Variants in ADAMTSL1 observed in about 807,000 individuals in gnomAD.
ADAMTSL1 encodes the protein ADAMTS like 1.
Under a neutral mutation model 201.8 loss-of-function variants are expected in ADAMTSL1, and 126 were observed. The observed-to-expected ratio is 0.62, with a 90% CI of 0.54 to 0.72. The LOEUF (loss-of-function observed/expected upper bound fraction) is 0.72, where lower values mean the gene tolerates loss of function less well. Ranked by LOEUF, ADAMTSL1 falls within the 30% of genes least tolerant of loss-of-function variation. The pLI is 0.00. For synonymous variants in ADAMTSL1, 1,121 were observed against 903.4 expected (o/e 1.24, Z -4.32); for missense variants, 2,679 against 2,277.8 (o/e 1.18, Z -3.59).
chr9:18,509,935 T>A (rs1587413539), intron 2 of ADAMTSL1, among the ~76,000 whole-genome samples: 1 of 152,348 alleles, frequency 6.6e-6, no homozygotes, highest in East Asian at 1.9e-4. Context: ...GATCTAGGCA[T>A]CTAAATTCAG....
At chr9:18,406,198 A>G (rs1243495230) in intron 2 of ADAMTSL1, among the ~76,000 whole-genome samples, 2 of 152,212 alleles carry the variant, frequency 1.3e-5, no homozygotes, top group East Asian at 3.8e-4. Flanking sequence ...GAGGAGAGAA[A>G]TCACAGGGCC....
chr9:18,151,832 A>G (rs1826930241), intron 1 of ADAMTSL1, among the ~76,000 whole-genome samples: 1 of 152,066 alleles, frequency 6.6e-6, no homozygotes, highest in South Asian at 2.1e-4. Flanking sequence ...ATGAGGTGCC[A>G]GGAGTTGTAT....
At chr9:18,538,521 T>A (rs1819936423) in intron 3 of ADAMTSL1, among the ~76,000 whole-genome samples, 2 of 151,954 alleles carry the variant, frequency 1.3e-5, no homozygotes, top group African/African-American at 4.8e-5. Context: ...TGGATCTGAA[T>A]GCAGATTAAT....
intron 1 of ADAMTSL1, among the ~76,000 whole-genome samples, chr9:18,069,251 T>A (rs1299619683): frequency 2.6e-5 from 4 of 152,236 alleles, no homozygotes; most frequent in Non-Finnish European, 5.9e-5. Flanking sequence ...GTTGAAATGA[T>A]AATTTCAATA....
Position 18,130,391 on chromosome 9 carries a change from T to C in ADAMTSL1, c.88-33471T>C, listed in dbSNP as rs59895508. On this transcript the variant is annotated intron_variant, in intron 1 of 29. Coordinates refer to the ADAMTSL1 transcript ENST00000680146. ...AATAAGCACTATGACTACATTCTCA[T>C]TTCCCAGTTTTTATTTCCTTAATCC... Among the ~76,000 whole-genome samples the C allele has an allele frequency of 3.0e-3, 450 of 152,308 alleles. 3 individuals are homozygous for C. Among genetic ancestry groups the C allele is most frequent in the African/African-American group, 0.01 (419 of 41,578 alleles).
chr9:18,646,034 T>G (rs1300683806), intron 7 of ADAMTSL1, among the ~76,000 whole-genome samples: 7 of 152,184 alleles, frequency 4.6e-5, no homozygotes, highest in Non-Finnish European at 7.3e-5. Context: ...TAGAATGTTC[T>G]TCCATTTGTT....
At chr9:18,553,597 G>C (rs141445666) in intron 3 of ADAMTSL1, among the ~76,000 whole-genome samples, 21 of 151,772 alleles carry the variant, frequency 1.4e-4, no homozygotes, top group Admixed American at 4.6e-4. Flanking sequence ...TTCTGTTAGT[G>C]AGGGTTCATT....
At chr9:18,550,913 C>A (rs542624747) in intron 3 of ADAMTSL1, among the ~76,000 whole-genome samples, 1 of 151,838 alleles carries the variant, frequency 6.6e-6, no homozygotes, top group African/African-American at 2.4e-5. Flanking sequence ...AAAATGGAAA[C>A]ACAAGATAAG....
chr9:18,637,982 G>A (rs764159967), intron 6 of ADAMTSL1, among the ~76,000 whole-genome samples: 1 of 152,132 alleles, frequency 6.6e-6, no homozygotes, highest in Non-Finnish European at 1.5e-5. Flanking sequence ...GTGCCTGTGA[G>A]GCAGTTTGAG....
chr9:18,534,326 C>T (rs2132112925), intron 3 of ADAMTSL1, among the ~76,000 whole-genome samples: 1 of 152,076 alleles, frequency 6.6e-6, no homozygotes, highest in Non-Finnish European at 1.5e-5. Context: ...CCCAGGAGTT[C>T]AAGACCATCC....
intron 2 of ADAMTSL1, among the ~76,000 whole-genome samples, chr9:18,364,016 T>C (rs1836648002): frequency 6.6e-6 from 1 of 152,198 alleles, no homozygotes. Flanking sequence ...AAATCACATT[T>C]TTTAATGCAA....
At chr9:17,927,972 T>C (rs562142110) in intron 1 of ADAMTSL1, among the ~76,000 whole-genome samples, 7 of 151,890 alleles carry the variant, frequency 4.6e-5, no homozygotes, top group African/African-American at 1.7e-4. Context: ...TGTGTGGTTC[T>C]TTTTCTTTTC....
intron 14 of ADAMTSL1, among the ~76,000 whole-genome samples, chr9:18,711,006 C>T (rs1037031376): frequency 1.9e-4 from 29 of 152,104 alleles, no homozygotes; most frequent in Non-Finnish European, 2.8e-4. Flanking sequence ...GGCAAAAATA[C>T]TAAACCTGTA....
intron 2 of ADAMTSL1, among the ~76,000 whole-genome samples, chr9:18,338,088 A>G (rs1252653274): frequency 6.6e-6 from 1 of 152,162 alleles, no homozygotes; most frequent in African/African-American, 2.4e-5. Context: ...CTGTGAATAC[A>G]TGGTCTACTA....
chr9:18,864,166 A>G (rs975443906), intron 23 of ADAMTSL1, among the ~76,000 whole-genome samples: 1 of 152,106 alleles, frequency 6.6e-6, no homozygotes, highest in Non-Finnish European at 1.5e-5. Flanking sequence ...TAGATTGTAT[A>G]TTCTTATTTT....
chr9:18,023,759 G>A (rs187106783), intron 1 of ADAMTSL1, among the ~76,000 whole-genome samples: 1 of 152,210 alleles, frequency 6.6e-6, no homozygotes, highest in Admixed American at 6.5e-5. Context: ...TCAAATAGCT[G>A]CCCTTATGTT....
At chr9:18,387,285 G>A (rs959911039) in intron 2 of ADAMTSL1, among the ~76,000 whole-genome samples, 1 of 152,076 alleles carries the variant, frequency 6.6e-6, no homozygotes, top group Non-Finnish European at 1.5e-5. Context: ...GTCAACTTGT[G>A]TGCCCATTGC....
intron 1 of ADAMTSL1, among the ~76,000 whole-genome samples, chr9:18,148,015 C>T (rs562789520): frequency 1.3e-5 from 2 of 152,130 alleles, no homozygotes; most frequent in East Asian, 1.9e-4. Context: ...TGTTCAACAC[C>T]TCCAGCACCT....
intron 3 of ADAMTSL1, among the ~76,000 whole-genome samples, chr9:18,556,965 C>A (rs1182061166): frequency 6.6e-6 from 1 of 151,952 alleles, no homozygotes; most frequent in East Asian, 1.9e-4. Flanking sequence ...AATTTATATA[C>A]CATTAACCAT....
Sources: allele counts gnomAD v4.1 joint callset (sites outside exome capture counted in the v4.1 genomes callset), GRCh38; gene constraint gnomAD v4.1.1; transcripts MANE v1.5; gene names NCBI Gene and HGNC (gene_info 2026-07-23, HGNC 2026-07-21).